The following ANKH variants were observed in gnomAD, a reference collection of about 807,000 sequenced individuals.
The protein encoded by ANKH is ANKH inorganic pyrophosphate transport regulator.
A neutral mutation model predicts 49.0 loss-of-function variants in ANKH; 15 were observed. The ratio of observed to expected loss-of-function variants is 0.31; its 90% CI spans 0.20 to 0.47. The LOEUF (loss-of-function observed/expected upper bound fraction) is 0.47. Ranked by LOEUF, ANKH falls within the 20% of genes least tolerant of loss-of-function variation. The pLI is 1.00. For missense variants in ANKH, 429 were observed against 652.0 expected (o/e 0.66, Z 3.72); for synonymous variants, 273 against 260.0 (o/e 1.05, Z -0.48).
At chr5:14,837,485 AAAG>A (rs1490400471) in intron 1 of ANKH, among the ~76,000 whole-genome samples, 2 of 152,274 alleles carry the variant, frequency 1.3e-5, no homozygotes, top group African/African-American at 2.4e-5. Flanking sequence ...ACACTTCTCA[AAAG>A]AAGACATTTA....
At chr5:14,719,149 A>G (rs189328798) in intron 8 of ANKH, among the ~76,000 whole-genome samples, 1 of 152,366 alleles carries the variant, frequency 6.6e-6, no homozygotes, top group Admixed American at 6.5e-5. Flanking sequence ...CTGGGGACAC[A>G]GCTTCCTATG....
chr5:14,749,347 A>C (rs769354391), intron 5 of ANKH, 41 bp from the exon 6 acceptor site: 2 of 1,612,084 alleles, frequency 1.2e-6, no homozygotes, highest in South Asian at 2.2e-5. Context: ...TGAACTCTAG[A>C]AGCAGAATGG....
At chr5:14,743,033 C>T (rs1738414057) in intron 7 of ANKH, among the ~76,000 whole-genome samples, 1 of 152,262 alleles carries the variant, frequency 6.6e-6, no homozygotes, top group Non-Finnish European at 1.5e-5. Context: ...ACAGCTACTA[C>T]AGGATCCACC....
At chr5:14,824,385 T>C (rs1287005535) in intron 1 of ANKH, among the ~76,000 whole-genome samples, 1 of 152,052 alleles carries the variant, frequency 6.6e-6, no homozygotes, top group Non-Finnish European at 1.5e-5. Flanking sequence ...TTTCCAATAA[T>C]AGAGATATAA....
At chr5:14,815,343 T>C (rs1456958836) in intron 1 of ANKH, among the ~76,000 whole-genome samples, 4 of 152,190 alleles carry the variant, frequency 2.6e-5, no homozygotes, top group African/African-American at 9.7e-5. Context: ...TTAACAGGTG[T>C]CTGGGCTGCA....
At chr5:14,804,816 G>A (rs1426483588) in intron 1 of ANKH, among the ~76,000 whole-genome samples, 1 of 152,188 alleles carries the variant, frequency 6.6e-6, no homozygotes, top group Non-Finnish European at 1.5e-5. Flanking sequence ...CCAGGCATAG[G>A]ATTTGGTTCT....
In ANKH at chr5:14,710,793, G is replaced by A. The variant is rs932622567; in HGVS notation, c.*404C>T. The stretch of plus-strand genomic sequence containing the variant: ...TTTTAACCTGTTGATTCTTAAGAGC[G>A]ATGAAGGGGGACAGGAGAGTCTGTG... On this transcript the variant is annotated 3_prime_UTR_variant, in exon 12 of 12. Transcript: ENST00000284268. The A allele has an allele frequency of 3.0e-5, 7 of 235,358 alleles. No individual in the cohort carries two copies. Among genetic ancestry groups the A allele is most frequent in the South Asian group, 5.4e-5 (1 of 18,514 alleles). 14.6% of individuals were successfully genotyped at this position (235,358 alleles called of 1,614,324 possible).
At chr5:14,859,246 T>C (rs1269147067) in intron 1 of ANKH, among the ~76,000 whole-genome samples, 2 of 152,234 alleles carry the variant, frequency 1.3e-5, no homozygotes, top group South Asian at 2.1e-4. Flanking sequence ...GCATACCTTA[T>C]ATAAATGCAA....
At chr5:14,847,794 C>A (rs776343456) in intron 1 of ANKH, among the ~76,000 whole-genome samples, 1 of 152,186 alleles carries the variant, frequency 6.6e-6, no homozygotes, top group African/African-American at 2.4e-5. Context: ...TGGCTTCTTA[C>A]GAGACACTAG....
chr5:14,849,892 G>T (rs1580116429), intron 1 of ANKH, among the ~76,000 whole-genome samples: 1 of 152,018 alleles, frequency 6.6e-6, no homozygotes, highest in African/African-American at 2.4e-5. Flanking sequence ...TGTGAACTAG[G>T]GTGGTCAGGA....
intron 6 of ANKH, among the ~76,000 whole-genome samples, chr5:14,747,416 C>T (rs1489556801): frequency 2.0e-5 from 3 of 151,938 alleles, no homozygotes; most frequent in African/African-American, 7.3e-5. Flanking sequence ...ACCGTCTCTA[C>T]AAAAGAAATT....
chr5:14,818,919 T>A (rs1260435655), intron 1 of ANKH, among the ~76,000 whole-genome samples: 1 of 152,208 alleles, frequency 6.6e-6, no homozygotes, highest in African/African-American at 2.4e-5. Flanking sequence ...GAATCGCTGC[T>A]GAAGAGCTAC....
rs545151566 is a variant in ANKH at position 14,826,878 on chromosome 5, G to A, written c.96+44474C>T. On this transcript the variant is annotated intron_variant, in intron 1 of 11. Transcript: ENST00000284268. ...CTTCCTGGGCCCCCAGCTAACCTGC[G>A]TTTCCCACGTCCCTCTGCAGTTAGG... is the stretch of plus-strand genomic sequence containing the variant. Among the ~76,000 whole-genome samples the A allele has an allele frequency of 5.3e-5, 8 of 152,182 alleles. No homozygotes were observed. The East Asian group carries it at 7.7e-4, about 15-fold the overall frequency.
intron 1 of ANKH, among the ~76,000 whole-genome samples, chr5:14,862,697 T>C (rs1050223290): frequency 1.3e-5 from 2 of 152,214 alleles, no homozygotes; most frequent in African/African-American, 4.8e-5. Context: ...AACTCTGCTG[T>C]ATAATTAGAC....
intron 1 of ANKH, among the ~76,000 whole-genome samples, chr5:14,792,059 G>A (rs1220913324): frequency 6.6e-6 from 1 of 152,186 alleles, no homozygotes; most frequent in Non-Finnish European, 1.5e-5. Context: ...AGATGGTGAG[G>A]GTCCTGGATC....
At position 14,743,753 on chromosome 5, in the gene ANKH, G is replaced by A. The variant is rs550503460; in HGVS notation, c.916-1831C>T. Among the ~76,000 whole-genome samples, 8 of 152,284 alleles carry A rather than the reference G, an allele frequency of 5.3e-5. No homozygotes were observed. The East Asian group carries it at 9.7e-4, about 18-fold the overall frequency. On this transcript the variant is annotated intron_variant, in intron 7 of 11. Coordinates refer to ENST00000284268, the MANE Select transcript of ANKH (RefSeq NM_054027.6). ...GCTGGAATGCTTGGAAACAATGGGCGAGGTTTTAAAAGGATTTGGAGTAAC... is the reference window on the plus strand; with the variant it reads ...GCTGGAATGCTTGGAAACAATGGGCAAGGTTTTAAAAGGATTTGGAGTAAC...
In ANKH at chr5:14,705,526, ATGAG is replaced by A. The variant is rs1210655575; in HGVS notation, c.*5667_*5670del. 1 of 152,244 alleles carries A rather than the reference ATGAG, an allele frequency of 6.6e-6. No homozygotes were observed. The highest frequency in any genetic ancestry group is 1.5e-5 in the Non-Finnish European group (1 of 68,046). The allele number at this position is 152,244 out of a possible 1,614,324, so 9.4% of individuals were successfully genotyped here. On this transcript the variant is annotated 3_prime_UTR_variant, in exon 12 of 12. Coordinates refer to ENST00000284268, the MANE Select transcript of ANKH (RefSeq NM_054027.6). Reference sequence around the variant, plus strand: ...CAGCTTGAATACACTTCTTAAATGAATGAGTGTCGGCATGGAACAGAATCACGTG... The same window carrying A: ...CAGCTTGAATACACTTCTTAAATGAATGTCGGCATGGAACAGAATCACGTG...
intron 1 of ANKH, among the ~76,000 whole-genome samples, chr5:14,787,095 C>T (rs1485384577): frequency 6.6e-6 from 1 of 151,874 alleles, no homozygotes; most frequent in Non-Finnish European, 1.5e-5. Context: ...AGGTGGATCA[C>T]CTGAGGTCAG....
Position 14,758,538 on chromosome 5 carries a change from C to T in ANKH, c.374G>A (p.Gly125Glu), listed in dbSNP as rs1738975835. Residue 125 changes from glycine to glutamate, a missense_variant, in exon 3 of 12, where the codon GGG becomes GAG. This residue lies in a region of ANKH where 378 missense variants were observed against 615.3 expected (regional missense o/e 0.61). Coordinates refer to ENST00000284268, the MANE Select transcript of ANKH (RefSeq NM_054027.6). ...NKLHHVDESVGSKTRRAFLYL... is the reference protein window; with the variant it reads ...NKLHHVDESVESKTRRAFLYL... ...CAGGAAGGCCCTTCTCGTCTTGCTC[C>T]CCACCGACTCGTCCACATGGTGCAG... 6.2e-7 allele frequency: 1 copy of T among 1,614,072 alleles called. No homozygotes were observed. Among genetic ancestry groups the T allele is most frequent in the African/African-American group, 1.3e-5 (1 of 74,996 alleles).
Sources: gnomAD v4.1 joint callset for allele counts (sites outside exome capture counted in the v4.1 genomes callset) on GRCh38, gnomAD v4.1.1 for gene constraint, gnomAD v4.1.1 regional missense constraint, MANE v1.5 for transcripts, NCBI Gene and HGNC (gene_info 2026-07-23, HGNC 2026-07-21) for gene names.